Variants in MEI4 observed in about 807,000 individuals in gnomAD.
The protein encoded by MEI4 is meiosis-specific protein MEI4.
A neutral mutation model predicts 31.4 loss-of-function variants in MEI4; 27 were observed. That is an observed-to-expected ratio of 0.86 (90% CI 0.63 to 1.19). The LOEUF (loss-of-function observed/expected upper bound fraction) is 1.19, where lower values mean the gene tolerates loss of function less well. Ranked by LOEUF, MEI4 falls within the 50% of genes most tolerant of loss-of-function variation. The pLI, the probability that MEI4 is intolerant of heterozygous loss-of-function variation, is 0.00. For synonymous variants in MEI4, 122 were observed against 145.4 expected (o/e 0.84, Z 1.16); for missense variants, 329 against 398.9 (o/e 0.82, Z 1.49).
intron 2 of MEI4, among the ~76,000 whole-genome samples, chr6:77,750,197 A>G (rs1767731556): frequency 6.6e-6 from 1 of 152,208 alleles, no homozygotes; most frequent in Non-Finnish European, 1.5e-5. Flanking sequence ...CAATGCTGTG[A>G]AGAAACTGCA....
At chr6:77,787,820 TAATG>T (rs1768785322) in intron 3 of MEI4, among the ~76,000 whole-genome samples, 1 of 151,956 alleles carries the variant, frequency 6.6e-6, no homozygotes, top group Non-Finnish European at 1.5e-5. Context: ...ATTAGAAAAA[TAATG>T]AACAAAATTA....
At chr6:77,674,682 T>C (rs1480924273) in intron 1 of MEI4, among the ~76,000 whole-genome samples, 4 of 152,142 alleles carry the variant, frequency 2.6e-5, no homozygotes, top group Non-Finnish European at 5.9e-5. Flanking sequence ...GATGCATCTC[T>C]GTCATTAAGC....
chr6:77,734,561 A>T (rs1298345161), intron 2 of MEI4, among the ~76,000 whole-genome samples: 1 of 152,066 alleles, frequency 6.6e-6, no homozygotes, highest in Non-Finnish European at 1.5e-5. Flanking sequence ...TCCTGAATAC[A>T]GCACACTGAT....
At chr6:77,702,246 T>C (rs897804918) in intron 2 of MEI4, among the ~76,000 whole-genome samples, 1 of 152,184 alleles carries the variant, frequency 6.6e-6, no homozygotes, top group Non-Finnish European at 1.5e-5. Context: ...TGAGGAAACA[T>C]TGCAAATAAC....
intron 4 of MEI4, among the ~76,000 whole-genome samples, chr6:77,840,639 T>C (rs1339688611): frequency 2.6e-5 from 4 of 152,160 alleles, no homozygotes; most frequent in Non-Finnish European, 5.9e-5. Context: ...GCATTTTATT[T>C]TAGATTCATG....
chr6:77,750,100 T>C (rs1356996144), intron 2 of MEI4, among the ~76,000 whole-genome samples: 1 of 152,210 alleles, frequency 6.6e-6, no homozygotes, highest in Non-Finnish European at 1.5e-5. Context: ...AAGCCTGCCT[T>C]ATGAGAGCTC....
At chr6:77,858,572 A>G (rs1189617232) in intron 4 of MEI4, among the ~76,000 whole-genome samples, 8 of 152,118 alleles carry the variant, frequency 5.3e-5, no homozygotes, top group Non-Finnish European at 1.2e-4. Flanking sequence ...GTTGGCTAAT[A>G]ATGGTGTCCA....
intron 2 of MEI4, among the ~76,000 whole-genome samples, chr6:77,697,968 T>C (rs987677469): frequency 1.3e-5 from 2 of 152,210 alleles, no homozygotes; most frequent in African/African-American, 4.8e-5. Flanking sequence ...GGTTCATATA[T>C]ATTTAGGATA....
intron 2 of MEI4, among the ~76,000 whole-genome samples, chr6:77,744,062 C>T (rs1246380031): frequency 6.6e-6 from 1 of 152,114 alleles, no homozygotes; most frequent in Non-Finnish European, 1.5e-5. Flanking sequence ...AGCAGAGCAC[C>T]TCTCCTCCTC....
intron 2 of MEI4, among the ~76,000 whole-genome samples, chr6:77,733,023 T>G (rs1413831045): frequency 1.3e-5 from 2 of 151,716 alleles, no homozygotes; most frequent in Non-Finnish European, 1.5e-5. Context: ...GCTGGATTCG[T>G]TTTGCCAGTA....
intron 2 of MEI4, among the ~76,000 whole-genome samples, chr6:77,695,205 T>C (rs1386483266): frequency 3.9e-5 from 6 of 152,064 alleles, no homozygotes; most frequent in African/African-American, 7.2e-5. Context: ...TTCTCCCATT[T>C]TGTAGGTTGC....
intron 4 of MEI4, among the ~76,000 whole-genome samples, chr6:77,899,448 C>A (rs561009515): frequency 5.8e-4 from 89 of 152,172 alleles, no homozygotes; most frequent in Non-Finnish European, 1.0e-3. Context: ...ATTTTCCTGT[C>A]CAGCTTTTAT....
At chr6:77,705,232 C>T (rs1766306781) in intron 2 of MEI4, among the ~76,000 whole-genome samples, 1 of 152,072 alleles carries the variant, frequency 6.6e-6, no homozygotes, top group Non-Finnish European at 1.5e-5. Context: ...TGTGAGGAGA[C>T]ATTTTGGGTA....
At chr6:77,731,895 C>G (rs1336552402) in intron 2 of MEI4, among the ~76,000 whole-genome samples, 1 of 151,772 alleles carries the variant, frequency 6.6e-6, no homozygotes, top group Non-Finnish European at 1.5e-5. Flanking sequence ...ATCCTTTCCC[C>G]AATGCTTGTT....
At chr6:77,920,199 AAG>A (rs1485334761) in intron 4 of MEI4, among the ~76,000 whole-genome samples, 2 of 151,834 alleles carry the variant, frequency 1.3e-5, no homozygotes, top group Non-Finnish European at 1.5e-5. Context: ...ACCACCAAAA[AAG>A]AGAATTTTAG....
In MEI4 at chr6:77,820,579, A is replaced by G. The variant is rs75579743; in HGVS notation, c.769-8352A>G. ...CTGTGCCCGGCCGGTTTTCTTTTTT[A>G]AATCCCTTTAGTATGGTTCTATCAG... On this transcript the variant is annotated intron_variant, in intron 3 of 4. Coordinates refer to ENST00000684080, the MANE Select transcript of MEI4 (RefSeq NM_001322247.2). This position sits in a 1 kb window ranked among gnomAD's most constrained non-coding sequence, Gnocchi z 4.5. 0.057 allele frequency among the ~76,000 whole-genome samples: 8,656 copies of G among 152,196 alleles called. 680 individuals are homozygous for G. The highest frequency in any genetic ancestry group is 0.17 in the African/African-American group (7,046 of 41,530).
rs1397729872 is a variant in MEI4 at position 77,724,841 on chromosome 6, A to C, written c.232+33938A>C. Among the ~76,000 whole-genome samples the C allele has an allele frequency of 2.0e-5, 3 of 146,796 alleles. 1 individual carries two copies. In the East Asian group the frequency reaches 5.9e-4, roughly 29 times the overall value. ...TATAGTCAACATTTTGCGTTGACTG[A>C]GCCATTACCGGCTCTGCTACATATT... On this transcript the variant is annotated intron_variant, in intron 2 of 4. Coordinates refer to ENST00000684080, the MANE Select transcript of MEI4 (RefSeq NM_001322247.2).
At chr6:77,860,671 G>A (rs1477550783) in intron 4 of MEI4, among the ~76,000 whole-genome samples, 1 of 151,472 alleles carries the variant, frequency 6.6e-6, no homozygotes, top group African/African-American at 2.4e-5. Flanking sequence ...TGGATATATA[G>A]ACATATATAT....
chr6:77,914,771 A>G (rs1030149696), intron 4 of MEI4, among the ~76,000 whole-genome samples: 3 of 152,110 alleles, frequency 2.0e-5, no homozygotes, highest in African/African-American at 7.2e-5. Flanking sequence ...TTGGGTACAT[A>G]TATGTTTAAA....
Sources: allele counts gnomAD v4.1 joint callset (sites outside exome capture counted in the v4.1 genomes callset), GRCh38; gene constraint gnomAD v4.1.1; non-coding constraint Gnocchi (gnomAD v3.1); transcripts MANE v1.5; gene names NCBI Gene and HGNC (gene_info 2026-07-23, HGNC 2026-07-21).